DNAH3: variants seen among roughly 807,000 people sequenced by gnomAD.
The protein encoded by DNAH3 is axonemal beta dynein heavy chain 3.
Under a neutral mutation model 432.5 loss-of-function variants are expected in DNAH3, and 332 were observed. That is an observed-to-expected ratio of 0.77 (90% CI 0.70 to 0.84). The LOEUF is 0.84. Among genes scored for constraint, DNAH3 ranks in the 40% least tolerant of loss-of-function variants. The pLI is 0.00. For missense variants in DNAH3, 4,861 were observed against 5,114.0 expected (o/e 0.95, Z 1.51); for synonymous variants, 1,956 against 1,900.2 (o/e 1.03, Z -0.76).
chr16:21,052,015 G>A, intron 28 of DNAH3, 147 bp from the exon 29 acceptor site: 1 of 667,832 alleles, frequency 1.5e-6, no homozygotes, highest in Non-Finnish European at 2.4e-6. Flanking sequence ...TTTTTGCGAT[G>A]GAGTCTCGCT....
Position 21,146,199 on chromosome 16 carries a change from TGGA to T in DNAH3, c.118-114_118-112del, listed in dbSNP as rs67875024. On this transcript the variant is annotated intron_variant, in intron 1 of 61. Coordinates refer to ENST00000261383, the Ensembl canonical transcript of DNAH3. ...AGGAAAAGTTTTAGGTCCAGAGTTC[TGGA>T]CCTAAAACAAAACACTCCTCTCATT... 3,847 of 659,088 alleles carry T rather than the reference TGGA, an allele frequency of 5.8e-3. 119 individuals are homozygous for T. In the African/African-American group the frequency reaches 0.061, roughly 11 times the overall value. The allele number at this position is 659,088 out of a possible 1,614,324, so 40.8% of individuals were successfully genotyped here. A position where few individuals can be genotyped will look rare whatever the true frequency, so the allele number is the denominator to read the frequency against.
chr16:21,030,937 T>C, intron 37 of DNAH3, 108 bp downstream of exon 37: 1 of 1,121,090 alleles, frequency 8.9e-7, no homozygotes, highest in South Asian at 1.5e-5. Flanking sequence ...GTATACAGAA[T>C]ACATACATAA....
chr16:20,952,930 C>T (rs2084380989), intron 55 of DNAH3, among the ~76,000 whole-genome samples: 1 of 152,146 alleles, frequency 6.6e-6, no homozygotes, highest in African/African-American at 2.4e-5. Context: ...CACGTTGGTT[C>T]TGAGAATTCC....
intron 1 of DNAH3, among the ~76,000 whole-genome samples, chr16:21,147,128 T>C (rs1013562767): frequency 6.6e-6 from 1 of 152,136 alleles, no homozygotes; most frequent in Admixed American, 6.5e-5. Flanking sequence ...TTTGAATATT[T>C]TTCCCCCGTG....
At chr16:21,026,260 T>C (rs188696523) in intron 38 of DNAH3, among the ~76,000 whole-genome samples, 1 of 152,286 alleles carries the variant, frequency 6.6e-6, no homozygotes, top group Non-Finnish European at 1.5e-5. Flanking sequence ...CTCCCACCAG[T>C]AGTGTGGACT....
chr16:20,997,413 G>A (rs761665261), exon 44 of DNAH3: 5 of 1,614,062 alleles, frequency 3.1e-6, no homozygotes, highest in East Asian at 4.5e-5. Flanking sequence ...TCAGGAGCTC[G>A]ATGGGTGGCT....
In DNAH3 at chr16:21,019,810, G is replaced by A; in HGVS notation, c.5836C>T (p.Gln1946Ter). The change falls in exon 41 of 62, where the codon CAG becomes TAG. Residue 1946 changes from glutamine to a stop codon, truncating the protein, a stop_gained. Transcript: ENST00000261383. LOFTEE classifies it high-confidence loss of function. ...AGTCCTTGGAGCCAGAGAAAGATCT[G>A]TTGACTTGACAGGCCTTCACCTAAT... 1 of 1,614,132 alleles carries A rather than the reference G, an allele frequency of 6.2e-7. No individual in the cohort carries two copies. Among genetic ancestry groups the A allele is most frequent in the East Asian group, 2.2e-5 (1 of 44,866 alleles).
exon 29 of DNAH3, chr16:21,051,733 C>A (rs1212658088): frequency 6.2e-7 from 1 of 1,613,868 alleles, no homozygotes; most frequent in Non-Finnish European, 8.5e-7. Context: ...GTACTCATAG[C>A]CATACAAGGC....
chr16:20,984,927 C>T (rs1382174439), intron 48 of DNAH3, 122 bp downstream of exon 48: 22 of 867,688 alleles, frequency 2.5e-5, no homozygotes, highest in South Asian at 1.7e-4. Flanking sequence ...GCCCTGACCC[C>T]GAGCTGGTGC....
exon 14 of DNAH3, chr16:21,111,674 T>C (rs780729515): frequency 1.9e-6 from 3 of 1,614,032 alleles, no homozygotes; most frequent in Non-Finnish European, 2.5e-6. Context: ...AATCAGATGG[T>C]CTTTAAGATT....
chr16:20,995,056 C>A (rs1481332255), intron 44 of DNAH3, among the ~76,000 whole-genome samples: 2 of 151,952 alleles, frequency 1.3e-5, no homozygotes, highest in African/African-American at 2.4e-5. Flanking sequence ...CTGCCTCAGC[C>A]CCCTAAGTAG....
chr16:20,934,333 T>A (rs1241404129), intron 61 of DNAH3, among the ~76,000 whole-genome samples: 1 of 152,208 alleles, frequency 6.6e-6, no homozygotes, highest in African/African-American at 2.4e-5. Flanking sequence ...CAACTTACAA[T>A]GGGGTTATGT....
At chr16:20,984,029 G>GAAAAAAGAAAAAAAAAA (rs2086051499) in intron 48 of DNAH3, among the ~76,000 whole-genome samples, 7 of 112,154 alleles carry the variant, frequency 6.2e-5, no homozygotes, top group African/African-American at 2.4e-4. Context: ...CCTATATCCA[G>GAAAAAAGAAAAAAAAAA]AAAAAAAAAA....
intron 54 of DNAH3, among the ~76,000 whole-genome samples, chr16:20,955,575 C>T (rs1266190504): frequency 6.6e-6 from 1 of 151,910 alleles, no homozygotes; most frequent in Non-Finnish European, 1.5e-5. Context: ...GCTGGGATTA[C>T]AGGTGTGAGT....
Position 21,062,497 on chromosome 16 carries a change from G to T in DNAH3, c.3705C>A (p.Tyr1235Ter), listed in dbSNP as rs995775016. Residue 1235 changes from tyrosine to a stop codon, truncating the protein, a stop_gained, in exon 25 of 62, where the codon TAC becomes TAA. Transcript: ENST00000261383. LOFTEE classifies it high-confidence loss of function. ...GAGGAGTTACCTTGGCATTAGCTGG[G>T]TAGATTTTCTGTATGAATGGAACAG... 6.2e-7 allele frequency: 1 copy of T among 1,614,042 alleles called. No individual in the cohort carries two copies. Among genetic ancestry groups the T allele is most frequent in the African/African-American group, 1.3e-5 (1 of 74,916 alleles).
exon 62 of DNAH3, chr16:20,933,456 T>C: frequency 6.2e-7 from 1 of 1,613,172 alleles, no homozygotes; most frequent in Non-Finnish European, 8.5e-7. Flanking sequence ...AGCCCTTTGA[T>C]GTAGGCCCCA....
At chr16:21,089,618 G>A (rs568332393) in intron 18 of DNAH3, among the ~76,000 whole-genome samples, 1 of 152,176 alleles carries the variant, frequency 6.6e-6, no homozygotes, top group Admixed American at 6.5e-5. Flanking sequence ...ATAATCCATA[G>A]GTCCTAGAGG....
chr16:20,962,908 C>G (rs559325882), intron 53 of DNAH3, among the ~76,000 whole-genome samples: 1 of 152,340 alleles, frequency 6.6e-6, no homozygotes, highest in African/African-American at 2.4e-5. Context: ...ATCCTCCCAA[C>G]TCATTCTCCC....
chr16:20,989,845 G>C (rs2152679244), intron 44 of DNAH3, among the ~76,000 whole-genome samples: 1 of 152,354 alleles, frequency 6.6e-6, no homozygotes, highest in African/African-American at 2.4e-5. Flanking sequence ...GGCTGGCACT[G>C]CTGGGGGACC....
Sources: gnomAD v4.1 joint callset for allele counts (sites outside exome capture counted in the v4.1 genomes callset) on GRCh38, gnomAD v4.1.1 for gene constraint, MANE v1.5 for transcripts, NCBI Gene and HGNC (gene_info 2026-07-23, HGNC 2026-07-21) for gene names.